Variants in NRXN3 observed in about 807,000 individuals in gnomAD.
NRXN3 encodes the protein neurexin 3.
In NRXN3, 32 loss-of-function variants were observed where a neutral mutation model predicts 137.6. The observed-to-expected ratio is 0.23, with a 90% confidence interval of 0.18 to 0.31. NRXN3 has a LOEUF of 0.31. NRXN3 is among the 10% of genes least tolerant of loss of function. The pLI, the probability that NRXN3 is intolerant of heterozygous loss-of-function variation, is 1.00. For missense variants in NRXN3, 1,574 were observed against 2,062.5 expected, an observed-to-expected ratio of 0.76 and a Z score of 4.59; for synonymous variants, 798 against 784.5, an observed-to-expected ratio of 1.02 and a Z score of -0.29.
Position 79,738,705 on chromosome 14 carries a change from C to T in NRXN3, c.4014+40768C>T, listed in dbSNP as rs570604490. 3.9e-5 allele frequency among the ~76,000 whole-genome samples: 6 copies of T among 152,162 alleles called. No individual in the cohort carries two copies. The South Asian group carries it at 1.2e-3, about 32-fold the overall frequency. On this transcript the variant is annotated intron_variant, in intron 19 of 20. Coordinates refer to ENST00000335750, the MANE Select transcript of NRXN3 (RefSeq NM_001330195.2). ...TCCCAAGTAGCTGGGATTACAGGTG[C>T]TCACCACCACGCCCAGCTAATTTTT...
intron 1 of NRXN3, chr14:78,231,187 G>T (rs1319758380): frequency 6.6e-6 from 1 of 152,210 alleles, no homozygotes; most frequent in African/African-American, 2.4e-5. Context: ...CAGTTCTGCG[G>T]TTATTCATTC....
At chr14:79,713,115 T>A (rs1013842687) in intron 19 of NRXN3, among the ~76,000 whole-genome samples, 2 of 151,808 alleles carry the variant, frequency 1.3e-5, no homozygotes, top group Non-Finnish European at 2.9e-5. Flanking sequence ...ATGTTGCAGC[T>A]GTTGACATCA....
chr14:79,744,294 G>T (rs1198709894), intron 19 of NRXN3, among the ~76,000 whole-genome samples: 1 of 152,130 alleles, frequency 6.6e-6, no homozygotes, highest in Non-Finnish European at 1.5e-5. Context: ...GGTCACAAAA[G>T]TTCTACTAGT....
chr14:79,274,861 T>C (rs2080028442), intron 15 of NRXN3, among the ~76,000 whole-genome samples: 1 of 152,180 alleles, frequency 6.6e-6, no homozygotes, highest in Non-Finnish European at 1.5e-5. Context: ...GGCATAACTA[T>C]GGATGTTTAT....
intron 15 of NRXN3, among the ~76,000 whole-genome samples, chr14:79,351,015 C>T (rs1049905183): frequency 1.3e-5 from 2 of 152,068 alleles, no homozygotes; most frequent in African/African-American, 2.4e-5. Context: ...AATGACTTCC[C>T]CAGAGACACA....
At position 79,861,556 on chromosome 14, in the gene NRXN3, C is replaced by T. The variant is rs756253657; in HGVS notation, c.4308C>T (p.Pro1436=). ...AGKMNNRDLK[P]QPDIVLLPLP... The stretch of plus-strand genomic sequence containing the variant: ...AAATGAATAACCGTGATCTCAAACC[C>T]CAGCCTGATATAGTCTTGCTTCCGT... The change falls in exon 21 of 21, where the codon CCC becomes CCT. Residue 1436 remains proline, a synonymous_variant. Coordinates refer to ENST00000335750, the MANE Select transcript of NRXN3 (RefSeq NM_001330195.2). The surrounding 1 kb of genome is among the most constrained non-coding windows in gnomAD (Gnocchi z 5.4). 1 of 1,578,010 alleles carries T rather than the reference C, an allele frequency of 6.3e-7. No homozygotes were observed. The highest frequency in any genetic ancestry group is 1.8e-5 in the Admixed American group (1 of 54,480).
At chr14:79,839,419 A>C (rs2099351127) in intron 20 of NRXN3, among the ~76,000 whole-genome samples, 1 of 152,132 alleles carries the variant, frequency 6.6e-6, no homozygotes, top group Non-Finnish European at 1.5e-5. Flanking sequence ...GTCAATGATG[A>C]ATTAAGATGC....
chr14:78,898,034 A>G (rs2099183310), intron 10 of NRXN3, among the ~76,000 whole-genome samples: 1 of 151,936 alleles, frequency 6.6e-6, no homozygotes, highest in Non-Finnish European at 1.5e-5. Context: ...GTGACCAGGA[A>G]ATCTCATGTA....
intron 20 of NRXN3, among the ~76,000 whole-genome samples, chr14:79,838,869 T>G (rs1346883039): frequency 6.6e-6 from 1 of 152,186 alleles, no homozygotes. Context: ...CCATTTTTCT[T>G]AACACCTTTG....
intron 16 of NRXN3, among the ~76,000 whole-genome samples, chr14:79,565,310 CACACACAT>C (rs2097539371): frequency 8.8e-6 from 1 of 114,044 alleles, no homozygotes; most frequent in South Asian, 2.4e-4. Context: ...TATACATATA[CACACACAT>C]GTGTGTGTAT....
chr14:79,751,046 C>T (rs910541738), intron 19 of NRXN3, among the ~76,000 whole-genome samples: 14 of 151,912 alleles, frequency 9.2e-5, no homozygotes, highest in Admixed American at 2.0e-4. Flanking sequence ...ATTGACTTGG[C>T]GATGCAGGCT....
At chr14:79,722,287 G>T (rs192643488) in intron 19 of NRXN3, among the ~76,000 whole-genome samples, 1 of 151,896 alleles carries the variant, frequency 6.6e-6, no homozygotes, top group South Asian at 2.1e-4. Context: ...ATATAGTCAG[G>T]AATAACTTTT....
chr14:79,300,742 G>C (rs1289053899), intron 15 of NRXN3, among the ~76,000 whole-genome samples: 1 of 152,016 alleles, frequency 6.6e-6, no homozygotes, highest in Non-Finnish European at 1.5e-5. Context: ...AGATTCAATG[G>C]GCAGGGAAAT....
intron 4 of NRXN3, among the ~76,000 whole-genome samples, chr14:78,398,996 T>C (rs998424081): frequency 4.6e-5 from 7 of 152,210 alleles, no homozygotes; most frequent in Admixed American, 2.0e-4. Context: ...CTTTCTGTGA[T>C]GTTTGGCTGG....
chr14:78,563,339 A>C (rs1441867462), intron 4 of NRXN3, among the ~76,000 whole-genome samples: 1 of 152,202 alleles, frequency 6.6e-6, no homozygotes, highest in Non-Finnish European at 1.5e-5. Context: ...CTATCTTTGG[A>C]GACAAGCTAC....
intron 4 of NRXN3, among the ~76,000 whole-genome samples, chr14:78,546,151 T>A (rs1345719838): frequency 2.0e-5 from 3 of 152,238 alleles, no homozygotes; most frequent in African/African-American, 7.2e-5. Flanking sequence ...CATATGGCTT[T>A]TCAAAACATT....
intron 10 of NRXN3, among the ~76,000 whole-genome samples, chr14:78,846,534 A>T (rs1349748138): frequency 6.6e-6 from 1 of 152,066 alleles, no homozygotes; most frequent in Non-Finnish European, 1.5e-5. Context: ...TGCTTTTATG[A>T]TTGGGTTTTG....
At chr14:79,204,023 T>C (rs746323019) in intron 15 of NRXN3, among the ~76,000 whole-genome samples, 12 of 152,068 alleles carry the variant, frequency 7.9e-5, no homozygotes, top group Non-Finnish European at 1.6e-4. Flanking sequence ...TGGGTAGCGA[T>C]ATATGCAGTC....
chr14:79,088,711 T>A (rs1301902759), intron 15 of NRXN3, among the ~76,000 whole-genome samples: 1 of 152,166 alleles, frequency 6.6e-6, no homozygotes, highest in Non-Finnish European at 1.5e-5. Context: ...AAACACTTAC[T>A]TTTTACTGTG....
Sources: gnomAD v4.1 joint callset for allele counts (sites outside exome capture counted in the v4.1 genomes callset) on GRCh38, gnomAD v4.1.1 for gene constraint, Gnocchi (gnomAD v3.1) non-coding constraint, MANE v1.5 for transcripts, NCBI Gene and HGNC (gene_info 2026-07-23, HGNC 2026-07-21) for gene names.